The following PDXDC1 variants were observed in gnomAD, a reference collection of about 807,000 sequenced individuals.
PDXDC1 encodes the protein pyridoxal dependent decarboxylase domain containing 1, also known as pyridoxal-dependent decarboxylase domain-containing protein 1.
PDXDC1 carries 42 observed loss-of-function variants against 100.1 expected under a neutral mutation model. The ratio of observed to expected loss-of-function variants is 0.42; its 90% CI spans 0.33 to 0.54. The LOEUF is 0.54. Among genes scored for constraint, PDXDC1 ranks in the 20% least tolerant of loss-of-function variants. The pLI, the probability that PDXDC1 is intolerant of heterozygous loss-of-function variation, is 0.10. For missense variants in PDXDC1, 636 were observed against 979.2 expected, an observed-to-expected ratio of 0.65 and a Z score of 4.68; for synonymous variants, 260 against 371.7, an observed-to-expected ratio of 0.70 and a Z score of 3.46.
downstream of PDXDC1, among the ~76,000 whole-genome samples, chr16:15,142,276 G>T (rs940347762): frequency 1.3e-5 from 2 of 152,080 alleles, no homozygotes; most frequent in Non-Finnish European, 2.9e-5. Flanking sequence ...AACCAGGCCT[G>T]GGGGTGCCAT....
intron 16 of PDXDC1, among the ~76,000 whole-genome samples, chr16:15,095,646 G>C (rs895259966): frequency 1.3e-5 from 2 of 152,174 alleles, no homozygotes; most frequent in Admixed American, 1.3e-4. Flanking sequence ...GAGGCCAGAA[G>C]TTTGAGACCA....
chr16:15,021,472 C>T (rs1228897602), intron 12 of PDXDC1, among the ~76,000 whole-genome samples: 2 of 152,276 alleles, frequency 1.3e-5, no homozygotes, highest in African/African-American at 2.4e-5. Flanking sequence ...GCTATTAGCT[C>T]ACTTCTTGAG....
chr16:15,128,119 C>G (rs751108525), intron 16 of PDXDC1: 6 of 1,609,776 alleles, frequency 3.7e-6, no homozygotes, highest in South Asian at 3.3e-5. Flanking sequence ...GCTGCAGGAA[C>G]CAGGCAGGGC....
rs530481521 is a variant in PDXDC1 at position 15,022,513 on chromosome 16, G to A, written c.1090-191G>A. Among the ~76,000 whole-genome samples, 3 of 152,394 alleles carry A rather than the reference G, an allele frequency of 2.0e-5. No homozygotes were observed. In the South Asian group the frequency reaches 6.2e-4, roughly 32 times the overall value. On this transcript the variant is annotated intron_variant, in intron 12 of 22. Transcript: ENST00000396410. ...AACTGCTTTTCTTGAATTACTACAT[G>A]TAACTTGAAGGATTGGTGAATATTT...
At position 15,037,992 on chromosome 16, in the gene PDXDC1, T is replaced by TCAGGC. The variant is rs2043596472; in HGVS notation, c.*1720_*1724dup. The TCAGGC allele has an allele frequency of 6.6e-7, 1 of 1,525,852 alleles. No individual in the cohort carries two copies. Among genetic ancestry groups the TCAGGC allele is most frequent in the South Asian group, 1.2e-5 (1 of 86,148 alleles). 94.5% of individuals were successfully genotyped at this position (1,525,852 alleles called of 1,614,324 possible). ...TCGTGCCAGCCCCACCAATGGTCTG[T>TCAGGC]CAGGCCAAGAAGGTGCTTTCTTTGG... is the stretch of plus-strand genomic sequence containing the variant. On this transcript the variant is annotated 3_prime_UTR_variant, in exon 23 of 23. Transcript: ENST00000396410.
rs571701649 is a variant in PDXDC1, at chr16:15,052,353, G to C, written c.1399+22297G>C. ...TATAAAGACCATTCTTGGCCTATAG[G>C]CTATACATAAGCAGGGTCCGGCCCA... On this transcript the variant is annotated intron_variant, in intron 16 of 16. Coordinates refer to the PDXDC1 transcript ENST00000535621. 8.5e-5 allele frequency among the ~76,000 whole-genome samples: 13 copies of C among 152,130 alleles called. 1 individual carries two copies. Among genetic ancestry groups the C allele is most frequent in the Admixed American group, 7.2e-4 (11 of 15,272 alleles).
chr16:15,144,952 C>T, the PDXDC1 span, among the ~76,000 whole-genome samples: 2 of 152,188 alleles, frequency 1.3e-5, no homozygotes, highest in African/African-American at 4.8e-5. Flanking sequence ...TCCTGGTGCC[C>T]CTGCACACAG....
chr16:15,050,462 A>G (rs929632714), intron 16 of PDXDC1, among the ~76,000 whole-genome samples: 1 of 152,162 alleles, frequency 6.6e-6, no homozygotes, highest in Non-Finnish European at 1.5e-5. Flanking sequence ...GCTGGGTGTG[A>G]TGGCTCCCAA....
At chr16:15,024,268 C>G (rs902915695) in intron 13 of PDXDC1, among the ~76,000 whole-genome samples, 1 of 152,266 alleles carries the variant, frequency 6.6e-6, no homozygotes, top group African/African-American at 2.4e-5. Flanking sequence ...CACCACCATT[C>G]CAGCTGCTGC....
intron 15 of PDXDC1, chr16:15,029,562 A>G (rs2042898389): frequency 2.6e-6 from 1 of 386,530 alleles, no homozygotes; most frequent in African/African-American, 2.0e-5. Context: ...CATAAACGAA[A>G]TGAATCAATG....
At chr16:14,981,692 C>T (rs1263797276) in intron 1 of PDXDC1, among the ~76,000 whole-genome samples, 2 of 152,296 alleles carry the variant, frequency 1.3e-5, no homozygotes, top group Admixed American at 1.3e-4. Context: ...GGATCTCTAG[C>T]ATCTCCAACG....
chr16:14,992,288 T>G (rs994810971), intron 1 of PDXDC1, among the ~76,000 whole-genome samples: 4 of 152,288 alleles, frequency 2.6e-5, no homozygotes, highest in African/African-American at 9.6e-5. Flanking sequence ...AAAGGCTTCC[T>G]GGAATTATTG....
chr16:15,032,093 C>T (rs531069993), intron 17 of PDXDC1, 187 bp downstream of exon 17: 65 of 595,874 alleles, frequency 1.1e-4, no homozygotes, highest in Non-Finnish European at 1.5e-4. Context: ...GCCAGCGTGG[C>T]GCTCAGGGAG....
At chr16:15,080,989 A>G (rs186025428) in intron 16 of PDXDC1, among the ~76,000 whole-genome samples, 182 of 152,050 alleles carry the variant, frequency 1.2e-3, no homozygotes, top group Non-Finnish European at 2.2e-3. Flanking sequence ...CATTCCTTTC[A>G]TATCAATGGA....
rs376316419 is a variant in PDXDC1, at chr16:15,030,048, C to T, written c.1391C>T (p.Thr464Ile). ...TGTTTGCGGTTCAGCCCTTTGATGA[C>T]CGCAGCAGGTAAACCAGGCTTGGTG... Reference protein sequence around the residue: ...GTCLRFSPLMTAAVLGTRGED... With the variant: ...GTCLRFSPLMIAAVLGTRGED... Residue 464 changes from threonine to isoleucine, a missense_variant, in exon 16 of 23, where the codon ACC (threonine) becomes ATC (isoleucine). Physicochemically the swap from Thr to Ile is moderately conservative, Grantham distance 89. Coordinates refer to ENST00000396410, the MANE Select transcript of PDXDC1 (RefSeq NM_015027.4). 972 of 1,552,800 alleles carry T rather than the reference C, an allele frequency of 6.3e-4. No individual in the cohort carries two copies. The South Asian group carries it at 7.9e-3, about 13-fold the overall frequency.
intron 1 of PDXDC1, among the ~76,000 whole-genome samples, chr16:14,979,905 G>T (rs563054982): frequency 1.3e-5 from 2 of 152,278 alleles, no homozygotes; most frequent in Non-Finnish European, 2.9e-5. Flanking sequence ...ACCAGTTTCC[G>T]TGTATGGCTT....
chr16:15,035,865 G>T (rs920349479), intron 22 of PDXDC1, 151 bp from the exon 23 acceptor site: 2 of 834,126 alleles, frequency 2.4e-6, no homozygotes, highest in Admixed American at 2.5e-5. Context: ...AGCAGCTCTC[G>T]GTTTTCTCAT....
intron 13 of PDXDC1, chr16:15,025,663 G>A (rs1391275311): frequency 6.6e-6 from 1 of 152,348 alleles, no homozygotes; most frequent in Non-Finnish European, 1.5e-5. Context: ...CCCTACCAGT[G>A]AGTCATCACA....
At chr16:15,145,987 C>T in the PDXDC1 span, among the ~76,000 whole-genome samples, 2 of 152,216 alleles carry the variant, frequency 1.3e-5, no homozygotes, top group Admixed American at 6.5e-5. Context: ...GGGTCTCCCC[C>T]ACGAGCAGGG....
Sources: gnomAD v4.1 joint callset for allele counts (sites outside exome capture counted in the v4.1 genomes callset) on GRCh38, gnomAD v4.1.1 for gene constraint, MANE v1.5 for transcripts, NCBI Gene and HGNC (gene_info 2026-07-23, HGNC 2026-07-21) for gene names.